The following DHX36 variants were observed in gnomAD, a reference collection of about 807,000 sequenced individuals.
DHX36 encodes ATP-dependent DNA/RNA helicase DHX36.
A neutral mutation model predicts 139.0 loss-of-function variants in DHX36; 50 were observed. That is an observed-to-expected ratio of 0.36 (90% CI 0.29 to 0.46). The LOEUF is 0.46. Among genes scored for constraint, DHX36 ranks in the 20% least tolerant of loss-of-function variants. The pLI, the probability that DHX36 is intolerant of heterozygous loss-of-function variation, is 1.00. For missense variants in DHX36, 1,024 were observed against 1,211.3 expected (o/e 0.85, Z 2.29); for synonymous variants, 425 against 401.9 (o/e 1.06, Z -0.69).
At chr3:154,299,767 GA>G in intron 12 of DHX36, 70 bp downstream of exon 12, 2 of 1,175,986 alleles carry the variant, frequency 1.7e-6, no homozygotes, top group Non-Finnish European at 2.6e-6. Flanking sequence ...TTGAATAAAA[GA>G]AAAAAATACA....
chr3:154,282,857 G>C (rs1477390871), intron 20 of DHX36, among the ~76,000 whole-genome samples: 2 of 152,146 alleles, frequency 1.3e-5, no homozygotes, highest in Admixed American at 1.3e-4. Flanking sequence ...AAAACTTACA[G>C]ATATCTATCC....
In DHX36 at chr3:154,315,110, A is replaced by G. The variant is rs776171731; in HGVS notation, c.539T>C (p.Leu180Ser). The change falls in exon 3 of 25, where the codon TTA (leucine) becomes TCA (serine). Residue 180 changes from leucine to serine, a missense_variant. Physicochemically the swap from Leu to Ser is moderately radical, Grantham distance 145. Around this residue, in one of 4 missense-constraint regions of DHX36, gnomAD observed 293 missense variants for 274.4 expected, o/e 1.07. Transcript: ENST00000496811. ...TAAATCTTCCAATAATTTTTGGTCT[A>G]AAGTTCCATCTGGTTCATTTTCTTG... ...LLQENEPDGTLDQKLLEDLQK... is the reference protein window; with the variant it reads ...LLQENEPDGTSDQKLLEDLQK... The G allele has an allele frequency of 5.0e-6, 8 of 1,613,238 alleles. No homozygotes were observed. Among genetic ancestry groups the G allele is most frequent in the Non-Finnish European group, 6.8e-6 (8 of 1,179,614 alleles).
intron 5 of DHX36, among the ~76,000 whole-genome samples, chr3:154,307,616 T>C (rs565472911): frequency 1.3e-5 from 2 of 152,062 alleles, no homozygotes; most frequent in East Asian, 1.9e-4. Flanking sequence ...CAAAAAATAA[T>C]AGATCTTGGC....
intron 12 of DHX36, among the ~76,000 whole-genome samples, chr3:154,299,502 G>A (rs1712179371): frequency 6.6e-6 from 1 of 152,120 alleles, no homozygotes; most frequent in Non-Finnish European, 1.5e-5. Context: ...TAGATTTGGG[G>A]TGATGATGGG....
chr3:154,280,764 T>A lies in DHX36; in HGVS notation c.2475A>T (p.Ser825=). 1 of 1,612,584 alleles carries A rather than the reference T, an allele frequency of 6.2e-7. No homozygotes were observed. The highest frequency in any genetic ancestry group is 8.5e-7 in the Non-Finnish European group (1 of 1,178,868). ...TTTACACTGTGTTTCCTGCTGTACC[T>A]GAATTTATATTAGATTCTGGATCTT... The part of the protein sequence containing the change: ...NPKDPESNIN[S]DNEKIIKAVI... The change falls in exon 21 of 25, where the codon TCA becomes TCT. Residue 825 remains serine, a splice_region_variant and synonymous_variant. Coordinates refer to ENST00000496811, the MANE Select transcript of DHX36 (RefSeq NM_020865.3).
At position 154,303,405 on chromosome 3, in the gene DHX36, A is replaced by G. The variant is rs781031768; in HGVS notation, c.1141T>C (p.Cys381Arg). ...AAACCAGGTATATGTATCATTGGAC[A>G]GTTACCTATTACGGCAGACAAAATA... ...AEKFSEYFGN[C>R]PMIHIPGFTF... Residue 381 changes from cysteine (C) to arginine (R), a missense_variant, in exon 9 of 25, where the codon TGT (cysteine) becomes CGT (arginine). Transcript: ENST00000496811. The G allele has an allele frequency of 6.3e-7, 1 of 1,599,350 alleles. No individual in the cohort carries two copies. Among genetic ancestry groups the G allele is most frequent in the East Asian group, 2.2e-5 (1 of 44,608 alleles).
chr3:154,305,171 G>A lies in DHX36; in HGVS notation c.894-3C>T. On this transcript the variant is annotated splice_polypyrimidine_tract_variant and splice_region_variant and intron_variant, in intron 6 of 24. Coordinates refer to ENST00000496811, the MANE Select transcript of DHX36 (RefSeq NM_020865.3). ...AACCCTGTTTCCTTGGCAACCGACT[G>A]TGAATGAAAGACATGAATTAATAAG... 8.1e-6 allele frequency: 13 copies of A among 1,609,986 alleles called. No homozygotes were observed. Among genetic ancestry groups the A allele is most frequent in the Non-Finnish European group, 1.1e-5 (13 of 1,178,564 alleles).
intron 10 of DHX36, 51 bp downstream of exon 10, chr3:154,300,934 CTT>C (rs900317452): frequency 6.3e-7 from 1 of 1,598,272 alleles, no homozygotes; most frequent in Non-Finnish European, 8.5e-7. Context: ...CAGCCTCTGG[CTT>C]TTTGTTTTAT....
At position 154,305,238 on chromosome 3, in the gene DHX36, A is replaced by G. The variant is rs149822968; in HGVS notation, c.894-70T>C. 215 of 1,310,084 alleles carry G rather than the reference A, an allele frequency of 1.6e-4. 1 individual carries two copies. In the African/African-American group the frequency reaches 2.4e-3, roughly 15 times the overall value. 81.2% of individuals were successfully genotyped at this position (1,310,084 alleles called of 1,614,324 possible). ...TAATAATTAACTACCACAAAGGTTT[A>G]TATCTTCAATTTTAGAAATGCTTTC... On this transcript the variant is annotated intron_variant, in intron 6 of 24. Transcript: ENST00000496811.
chr3:154,273,607 G>C lies in DHX36; in HGVS notation c.*2564C>G, dbSNP rs1181078464. Reference sequence around the variant, plus strand: ...CAAAACCAGTATGCTCTAATATTGTGACATGACTCTAATGCCAGCATTCAA... The same window carrying C: ...CAAAACCAGTATGCTCTAATATTGTCACATGACTCTAATGCCAGCATTCAA... On this transcript the variant is annotated 3_prime_UTR_variant, in exon 25 of 25. Transcript: ENST00000496811. 1 of 152,186 alleles carries C rather than the reference G, an allele frequency of 6.6e-6. No homozygotes were observed. Among genetic ancestry groups the C allele is most frequent in the Non-Finnish European group, 1.5e-5 (1 of 68,038 alleles). The allele number at this position is 152,186 out of a possible 1,614,324, so 9.4% of individuals were successfully genotyped here. A position where few individuals can be genotyped will look rare whatever the true frequency, so the allele number is the denominator to read the frequency against.
intron 19 of DHX36, 137 bp from the exon 20 acceptor site, chr3:154,283,408 TA>T: frequency 3.2e-6 from 2 of 633,314 alleles, no homozygotes; most frequent in Non-Finnish European, 5.5e-6. Flanking sequence ...AAGAATTTTA[TA>T]ACTGATAAAA....
intron 2 of DHX36, among the ~76,000 whole-genome samples, 164 bp downstream of exon 2, chr3:154,315,875 G>A (rs1712957428): frequency 6.6e-6 from 1 of 151,954 alleles, no homozygotes; most frequent in African/African-American, 2.4e-5. Context: ...ATGGAAACAT[G>A]CCATCTAAAT....
intron 5 of DHX36, among the ~76,000 whole-genome samples, chr3:154,308,331 T>C (rs1189310109): frequency 6.6e-6 from 1 of 152,210 alleles, no homozygotes; most frequent in Non-Finnish European, 1.5e-5. Flanking sequence ...TAATTGGTAA[T>C]GTTTTTAACC....
intron 1 of DHX36, among the ~76,000 whole-genome samples, chr3:154,318,084 A>G (rs964327033): frequency 2.6e-4 from 40 of 152,258 alleles, no homozygotes; most frequent in African/African-American, 9.4e-4. Context: ...GACAAGAGAC[A>G]GGGTTTTGTA....
chr3:154,324,109 G>A, intron 1 of DHX36, 65 bp downstream of exon 1: 1 of 1,483,832 alleles, frequency 6.7e-7, no homozygotes, highest in Middle Eastern at 1.8e-4. Context: ...AAGAAAAAGG[G>A]GGCAGCGGGA....
At chr3:154,283,635 T>C (rs535618929) in intron 19 of DHX36, among the ~76,000 whole-genome samples, 4 of 151,656 alleles carry the variant, frequency 2.6e-5, no homozygotes, top group Admixed American at 6.6e-5. Context: ...ATTTTCTTTA[T>C]AGTTTGCTTT....
rs1187811627 is a variant in DHX36, at chr3:154,272,820, A to G, written c.*3351T>C. On this transcript the variant is annotated 3_prime_UTR_variant, in exon 25 of 25. Coordinates refer to ENST00000496811, the MANE Select transcript of DHX36 (RefSeq NM_020865.3). ...TAAGAACAGAAGGAAATTTACCACT[A>G]TTTATTTTGGGTAAAGGAGTACTAA... 1 of 152,096 alleles carries G rather than the reference A, an allele frequency of 6.6e-6. No homozygotes were observed. Among genetic ancestry groups the G allele is most frequent in the African/African-American group, 2.4e-5 (1 of 41,446 alleles). The allele number at this position is 152,096 out of a possible 1,614,324, so 9.4% of individuals were successfully genotyped here.
chr3:154,311,697 A>T, intron 3 of DHX36, 23 bp from the exon 4 acceptor site: 2 of 1,578,184 alleles, frequency 1.3e-6, no homozygotes, highest in East Asian at 2.3e-5. Flanking sequence ...AAAAGTTTTA[A>T]ATTTTCACAG....
chr3:154,294,015 TA>T (rs1386204027), intron 13 of DHX36, among the ~76,000 whole-genome samples: 1 of 152,220 alleles, frequency 6.6e-6, no homozygotes, highest in Admixed American at 6.5e-5. Context: ...TAAACCACAT[TA>T]AATCTCCCAC....
Sources: allele counts gnomAD v4.1 joint callset (sites outside exome capture counted in the v4.1 genomes callset), GRCh38; gene constraint gnomAD v4.1.1; regional missense constraint gnomAD v4.1.1; transcripts MANE v1.5; gene names NCBI Gene and HGNC (gene_info 2026-07-23, HGNC 2026-07-21).